Variants in KIAA1958 observed in about 807,000 individuals in gnomAD.
KIAA1958 encodes the protein KIAA1958.
A neutral mutation model predicts 47.2 loss-of-function variants in KIAA1958; 14 were observed. The ratio of observed to expected loss-of-function variants is 0.30; its 90% CI spans 0.20 to 0.46. KIAA1958 has a LOEUF of 0.46. KIAA1958 is among the 20% of genes least tolerant of loss of function. The pLI, the probability that KIAA1958 is intolerant of heterozygous loss-of-function variation, is 1.00. For synonymous variants in KIAA1958, 354 were observed against 353.3 expected (o/e 1.00, Z -0.02); for missense variants, 803 against 909.2 (o/e 0.88, Z 1.50).
At position 112,645,681 on chromosome 9, in the gene KIAA1958, A is replaced by G. The variant is rs1836962944; in HGVS notation, c.1203A>G (p.Val401=). Residue 401 remains valine (V), a synonymous_variant, in exon 3 of 4, where the codon GTA becomes GTG. Transcript: ENST00000337530. ...CCACTAAGCTCAACAAATTTCCTGTATTTAATATTAATGATGACTTGAATG... is the reference window on the plus strand; with the variant it reads ...CCACTAAGCTCAACAAATTTCCTGTGTTTAATATTAATGATGACTTGAATG... The part of the protein sequence containing the change: ...AYSTKLNKFP[V]FNINDDLNDL... The G allele has an allele frequency of 6.2e-7, 1 of 1,609,990 alleles. No homozygotes were observed. The highest frequency in any genetic ancestry group is 8.5e-7 in the Non-Finnish European group (1 of 1,178,146).
At chr9:112,565,658 AC>A (rs1835415762) in intron 1 of KIAA1958, among the ~76,000 whole-genome samples, 1 of 152,258 alleles carries the variant, frequency 6.6e-6, no homozygotes, top group Non-Finnish European at 1.5e-5. Flanking sequence ...TATGAAACTT[AC>A]AATATATTGA....
chr9:112,593,137 C>CT (rs1835952528), intron 2 of KIAA1958, among the ~76,000 whole-genome samples: 1 of 152,002 alleles, frequency 6.6e-6, no homozygotes, highest in South Asian at 2.1e-4. Context: ...TGTGTATTGC[C>CT]TTTTAAAATT....
chr9:112,519,818 C>T (rs1587999173), intron 1 of KIAA1958, among the ~76,000 whole-genome samples: 3 of 152,138 alleles, frequency 2.0e-5, no homozygotes, highest in Non-Finnish European at 4.4e-5. Context: ...ATAAAACAAT[C>T]AGTAACTATA....
chr9:112,619,599 TG>T (rs1836465950), intron 2 of KIAA1958, among the ~76,000 whole-genome samples: 1 of 152,184 alleles, frequency 6.6e-6, no homozygotes, highest in Non-Finnish European at 1.5e-5. Context: ...CCATTCTTTT[TG>T]GGAGATACAT....
At chr9:112,644,284 G>A (rs1307055117) in intron 2 of KIAA1958, among the ~76,000 whole-genome samples, 2 of 152,174 alleles carry the variant, frequency 1.3e-5, no homozygotes, top group African/African-American at 2.4e-5. Flanking sequence ...AGATCCTGGG[G>A]ACGGTAAGAG....
intron 1 of KIAA1958, among the ~76,000 whole-genome samples, chr9:112,571,105 C>T (rs1671265410): frequency 6.6e-6 from 1 of 152,224 alleles, no homozygotes; most frequent in Non-Finnish European, 1.5e-5. Context: ...GCGAGATCTT[C>T]ACATAATCCA....
chr9:112,499,828 A>G (rs891364691), intron 1 of KIAA1958, among the ~76,000 whole-genome samples: 1 of 150,842 alleles, frequency 6.6e-6, no homozygotes, highest in African/African-American at 2.4e-5. Flanking sequence ...AGCTGGGACT[A>G]CAGGCGCCCA....
At chr9:112,579,773 T>C (rs1188136688) in intron 2 of KIAA1958, among the ~76,000 whole-genome samples, 1 of 152,226 alleles carries the variant, frequency 6.6e-6, no homozygotes, top group African/African-American at 2.4e-5. Flanking sequence ...TTGATTAAGG[T>C]ATGTATTACT....
chr9:112,525,516 G>T (rs1834623720), intron 1 of KIAA1958, among the ~76,000 whole-genome samples: 1 of 152,174 alleles, frequency 6.6e-6, no homozygotes, highest in Non-Finnish European at 1.5e-5. Context: ...TGATTCTGGG[G>T]ACCACCAGTG....
intron 1 of KIAA1958, among the ~76,000 whole-genome samples, chr9:112,545,678 G>A (rs1452103606): frequency 6.6e-6 from 1 of 152,098 alleles, no homozygotes; most frequent in Non-Finnish European, 1.5e-5. Context: ...TACTTACAGA[G>A]CATCTGGGAG....
At chr9:112,566,813 T>C (rs1160596420) in intron 1 of KIAA1958, among the ~76,000 whole-genome samples, 3 of 152,180 alleles carry the variant, frequency 2.0e-5, no homozygotes, top group African/African-American at 7.2e-5. Flanking sequence ...TTATATGTGC[T>C]AAGATGAATA....
chr9:112,492,024 C>CT (rs1833978795), intron 1 of KIAA1958, among the ~76,000 whole-genome samples: 1 of 152,006 alleles, frequency 6.6e-6, no homozygotes. Flanking sequence ...AAGCTCTATC[C>CT]TTTTTTCTGT....
chr9:112,552,486 A>G (rs1835168122), intron 1 of KIAA1958, among the ~76,000 whole-genome samples: 1 of 152,230 alleles, frequency 6.6e-6, no homozygotes, highest in Non-Finnish European at 1.5e-5. Flanking sequence ...GGCCTGTGCC[A>G]GGGAGGGTCA....
chr9:112,575,353 C>T, intron 2 of KIAA1958, 102 bp downstream of exon 2: 1 of 734,620 alleles, frequency 1.4e-6, no homozygotes, highest in Non-Finnish European at 2.1e-6. Context: ...AGAATTCAGT[C>T]CTTTGTTAGT....
chr9:112,503,083 AAAAT>A lies in KIAA1958; in HGVS notation c.-25+15972_-25+15975del, dbSNP rs1267123041. Among the ~76,000 whole-genome samples, 10 of 152,290 alleles carry A rather than the reference AAAAT, an allele frequency of 6.6e-5. No individual in the cohort carries two copies. The East Asian group carries it at 1.2e-3, about 18-fold the overall frequency. Reference sequence around the variant, plus strand: ...TTAGTAGTGGAGGTAGAGAAGAAACAAAATAAATAAGTAAAATAACATGTAAGGG... The same window carrying A: ...TTAGTAGTGGAGGTAGAGAAGAAACAAAATAAGTAAAATAACATGTAAGGG... On this transcript the variant is annotated intron_variant, in intron 1 of 3. Transcript: ENST00000337530.
chr9:112,548,133 A>T (rs1250861554), intron 1 of KIAA1958, among the ~76,000 whole-genome samples: 1 of 151,246 alleles, frequency 6.6e-6, no homozygotes, highest in African/African-American at 2.4e-5. Flanking sequence ...TCCCCCAAGT[A>T]GGTGGGACTA....
At chr9:112,587,949 A>G (rs1835854397) in intron 2 of KIAA1958, among the ~76,000 whole-genome samples, 1 of 152,326 alleles carries the variant, frequency 6.6e-6, no homozygotes, top group East Asian at 1.9e-4. Context: ...TTAACTTTCC[A>G]ATTTGATTGT....
intron 1 of KIAA1958, among the ~76,000 whole-genome samples, chr9:112,573,137 TGTC>T (rs564695533): frequency 6.4e-4 from 98 of 152,306 alleles, no homozygotes; most frequent in African/African-American, 2.1e-3. Flanking sequence ...CCCATCATGT[TGTC>T]CTCACTCCTC....
chr9:112,648,919 A>G (rs1474697231), intron 3 of KIAA1958, among the ~76,000 whole-genome samples: 4 of 152,234 alleles, frequency 2.6e-5, no homozygotes, highest in Non-Finnish European at 5.9e-5. Flanking sequence ...AGAACTAACT[A>G]GATTATATAA....
Sources: allele counts gnomAD v4.1 joint callset (sites outside exome capture counted in the v4.1 genomes callset), GRCh38; gene constraint gnomAD v4.1.1; transcripts MANE v1.5; gene names NCBI Gene and HGNC (gene_info 2026-07-23, HGNC 2026-07-21).